The following RYK variants were observed in gnomAD, a reference collection of about 807,000 sequenced individuals.
The protein encoded by RYK is inactive tyrosine-protein kinase RYK.
Under a neutral mutation model 70.2 loss-of-function variants are expected in RYK, and 21 were observed. The observed-to-expected ratio is 0.30, with a 90% CI of 0.21 to 0.43. The LOEUF (loss-of-function observed/expected upper bound fraction) is 0.43. Among genes scored for constraint, RYK ranks in the 20% least tolerant of loss-of-function variants. The probability of loss-of-function intolerance (pLI) is 1.00; values close to 1 mark genes in which losing one functional copy is unlikely to be tolerated. For synonymous variants in RYK, 267 were observed against 278.0 expected (o/e 0.96, Z 0.39); for missense variants, 604 against 753.3 (o/e 0.80, Z 2.32).
At chr3:134,215,465 T>C (rs141606784) in intron 2 of RYK, among the ~76,000 whole-genome samples, 2 of 152,318 alleles carry the variant, frequency 1.3e-5, no homozygotes, top group African/African-American at 4.8e-5. Context: ...AGGAACTGTC[T>C]AAAAATGGGA....
In RYK at chr3:134,209,785, C is replaced by T. The variant is rs149986169; in HGVS notation, c.499G>A (p.Val167Ile). 45 of 1,517,662 alleles carry T rather than the reference C, an allele frequency of 3.0e-5. No individual in the cohort carries two copies. The highest frequency in any genetic ancestry group is 1.7e-4 in the Middle Eastern group (1 of 5,918). The allele number at this position is 1,517,662 out of a possible 1,614,324, so 94.0% of individuals were successfully genotyped here. Residue 167 changes from valine to isoleucine, a missense_variant, in exon 4 of 15, where the codon GTT becomes ATT. Coordinates refer to ENST00000623711, the MANE Select transcript of RYK (RefSeq NM_002958.4). Reference protein sequence around the residue: ...LSCTGKVDSEVMILMQLNLTV... With the variant: ...LSCTGKVDSEIMILMQLNLTV... ...AAGTTGAGCTGCATTAGTATCATAA[C>T]TTCAGAATCTACTTTGCCAGTACAG...
intron 1 of RYK, among the ~76,000 whole-genome samples, chr3:134,237,320 T>C (rs1421248587): frequency 6.6e-6 from 1 of 152,174 alleles, no homozygotes; most frequent in Non-Finnish European, 1.5e-5. Context: ...GCCACCTTTA[T>C]AGCACTTAAC....
chr3:134,220,013 G>A (rs113687641), intron 2 of RYK, among the ~76,000 whole-genome samples: 1 of 152,140 alleles, frequency 6.6e-6, no homozygotes, highest in Non-Finnish European at 1.5e-5. Flanking sequence ...AAGAGTGTTC[G>A]GAGTTACCAC....
chr3:134,210,250 C>G lies in RYK; in HGVS notation c.455-421G>C, dbSNP rs537233818. ...ATCAAATGGAAAGACAACTCACTAC[C>G]AAAATGCAAGTATGTCTGCTCTTAA... is the stretch of plus-strand genomic sequence containing the variant. On this transcript the variant is annotated intron_variant, in intron 3 of 14. Transcript: ENST00000623711. 1.1e-3 allele frequency among the ~76,000 whole-genome samples: 165 copies of G among 152,260 alleles called. 3 individuals carry two copies. The highest frequency in any genetic ancestry group is 3.8e-3 in the African/African-American group (158 of 41,564).
At chr3:134,236,118 T>C (rs1377967522) in intron 1 of RYK, among the ~76,000 whole-genome samples, 1 of 151,962 alleles carries the variant, frequency 6.6e-6, no homozygotes, top group Non-Finnish European at 1.5e-5. Flanking sequence ...AAATGAAAAT[T>C]AGAGTCAGGG....
At chr3:134,194,193 C>A (rs2013740309) in intron 7 of RYK, among the ~76,000 whole-genome samples, 2 of 152,330 alleles carry the variant, frequency 1.3e-5, no homozygotes, top group South Asian at 4.1e-4. Flanking sequence ...CCAGCACCAT[C>A]TGGTTAACCT....
chr3:134,218,937 A>AGG (rs2014647157), intron 2 of RYK, among the ~76,000 whole-genome samples: 2 of 152,224 alleles, frequency 1.3e-5, no homozygotes, highest in African/African-American at 4.8e-5. Flanking sequence ...GAAGGAAACT[A>AGG]GGATCCCTTC....
At chr3:134,231,402 C>T (rs969128249) in intron 1 of RYK, among the ~76,000 whole-genome samples, 2 of 152,142 alleles carry the variant, frequency 1.3e-5, no homozygotes, top group African/African-American at 4.8e-5. Flanking sequence ...CAAACAGAAA[C>T]TACCAACTTC....
chr3:134,246,883 T>C (rs1187030235), intron 1 of RYK, among the ~76,000 whole-genome samples: 2 of 151,960 alleles, frequency 1.3e-5, no homozygotes, highest in Non-Finnish European at 2.9e-5. Flanking sequence ...GAAAAAATAA[T>C]CGTACTATCT....
intron 2 of RYK, among the ~76,000 whole-genome samples, chr3:134,220,119 A>C (rs555417838): frequency 6.6e-6 from 1 of 152,360 alleles, no homozygotes; most frequent in South Asian, 2.1e-4. Context: ...CTAATCATGA[A>C]GAAACCTCAG....
At position 134,196,580 on chromosome 3, in the gene RYK, AAAACACAC is replaced by A. The variant is rs775800226; in HGVS notation, c.789-1406_789-1399del. On this transcript the variant is annotated intron_variant, in intron 6 of 14. Coordinates refer to ENST00000623711, the MANE Select transcript of RYK (RefSeq NM_002958.4). Reference sequence around the variant, plus strand: ...CATAGTGAGACCCTGTCTCTGAAACAAAACACACACACACACACACACACACACACACA... The same window carrying A: ...CATAGTGAGACCCTGTCTCTGAAACAACACACACACACACACACACACACA... Among the ~76,000 whole-genome samples, 240 of 127,310 alleles carry A rather than the reference AAAACACAC, an allele frequency of 1.9e-3. 1 individual carries two copies. The highest frequency in any genetic ancestry group is 3.5e-3 in the African/African-American group (112 of 32,138). 83.5% of individuals were successfully genotyped at this position (127,310 alleles called of 152,430 possible). A position where few individuals can be genotyped will look rare whatever the true frequency, so the allele number is the denominator to read the frequency against.
At chr3:134,250,095 A>G (rs2015572004) in intron 1 of RYK, among the ~76,000 whole-genome samples, 1 of 152,092 alleles carries the variant, frequency 6.6e-6, no homozygotes, top group Admixed American at 6.5e-5. Flanking sequence ...AACTTCGTGC[A>G]GCAAGGAAAA....
intron 10 of RYK, chr3:134,181,074 T>C (rs1195968358): frequency 6.6e-6 from 1 of 152,230 alleles, no homozygotes; most frequent in Non-Finnish European, 1.5e-5. Flanking sequence ...TAAAACCGTT[T>C]CTTGGGAAAA....
At position 134,178,085 on chromosome 3, in the gene RYK, T is replaced by TA; in HGVS notation, c.1173-13dup. ...TAGGAAGAAGATTTCTATAAAATAA[T>TA]AAAAAATTGGGAGAAAGACAAAGGA... is the stretch of plus-strand genomic sequence containing the variant. On this transcript the variant is annotated splice_polypyrimidine_tract_variant and intron_variant, in intron 10 of 14. Transcript: ENST00000623711. 1 of 1,543,954 alleles carries TA rather than the reference T, an allele frequency of 6.5e-7. No homozygotes were observed. Among genetic ancestry groups the TA allele is most frequent in the Non-Finnish European group, 8.7e-7 (1 of 1,145,468 alleles).
intron 10 of RYK, chr3:134,178,899 C>T (rs1486276747): frequency 6.6e-6 from 1 of 152,140 alleles, no homozygotes; most frequent in African/African-American, 2.4e-5. Context: ...TGCTAGAAGA[C>T]AAAAACTAAG....
intron 13 of RYK, among the ~76,000 whole-genome samples, chr3:134,166,447 A>G (rs1027516707): frequency 6.6e-6 from 1 of 152,230 alleles, no homozygotes; most frequent in Non-Finnish European, 1.5e-5. Flanking sequence ...CAATACACTA[A>G]GACACCAACT....
At chr3:134,243,805 AAAGT>A (rs1232348018) in intron 1 of RYK, among the ~76,000 whole-genome samples, 1 of 152,180 alleles carries the variant, frequency 6.6e-6, no homozygotes, top group African/African-American at 2.4e-5. Flanking sequence ...TCCACAGTCA[AAAGT>A]AAGTGCTCCT....
chr3:134,160,256 G>C (rs1215244961), intron 13 of RYK, among the ~76,000 whole-genome samples: 1 of 152,054 alleles, frequency 6.6e-6, no homozygotes, highest in African/African-American at 2.4e-5. Flanking sequence ...ATCATTGGTA[G>C]CTCAATTTTA....
intron 5 of RYK, among the ~76,000 whole-genome samples, chr3:134,203,153 C>T (rs945346621): frequency 6.6e-6 from 1 of 152,052 alleles, no homozygotes; most frequent in Non-Finnish European, 1.5e-5. Flanking sequence ...TTTGAGACCA[C>T]CCTGGCCAAT....
Sources: gnomAD v4.1 joint callset for allele counts (sites outside exome capture counted in the v4.1 genomes callset) on GRCh38, gnomAD v4.1.1 for gene constraint, MANE v1.5 for transcripts, NCBI Gene and HGNC (gene_info 2026-07-23, HGNC 2026-07-21) for gene names.